Variants in DCLK1 observed in about 807,000 individuals in gnomAD.
The protein encoded by DCLK1 is doublecortin like kinase 1.
Under a neutral mutation model 86.2 loss-of-function variants are expected in DCLK1, and 16 were observed. That is an observed-to-expected ratio of 0.19 (90% confidence interval 0.13 to 0.28). The LOEUF (loss-of-function observed/expected upper bound fraction) is 0.28, where lower values mean the gene tolerates loss of function less well. DCLK1 is among the 10% of genes least tolerant of loss of function. The pLI, the probability that DCLK1 is intolerant of heterozygous loss-of-function variation, is 1.00. For synonymous variants in DCLK1, 369 were observed against 370.5 expected (o/e 1.00, Z 0.05); for missense variants, 590 against 940.2 (o/e 0.63, Z 4.87).
intron 3 of DCLK1, among the ~76,000 whole-genome samples, chr13:36,024,759 T>A (rs1289961024): frequency 6.6e-6 from 1 of 151,934 alleles, no homozygotes; most frequent in South Asian, 2.1e-4. Context: ...TATGGAAATA[T>A]AAGGAACTCA....
In DCLK1 at chr13:35,947,472, C is replaced by T; in HGVS notation, c.724-15G>A. On this transcript the variant is annotated splice_polypyrimidine_tract_variant and intron_variant, in intron 3 of 16. Transcript: ENST00000360631. The stretch of plus-strand genomic sequence containing the variant: ...AGGCACATCACCTACAAGAGAAAAG[C>T]ATGGCACTCAGCAAGGGTGGTAGAA... 6.2e-7 allele frequency: 1 copy of T among 1,607,344 alleles called. No individual in the cohort carries two copies. Among genetic ancestry groups the T allele is most frequent in the Non-Finnish European group, 8.5e-7 (1 of 1,174,316 alleles).
chr13:35,974,629 T>C (rs1007984400), intron 3 of DCLK1, among the ~76,000 whole-genome samples: 4 of 152,186 alleles, frequency 2.6e-5, no homozygotes, highest in East Asian at 1.9e-4. Flanking sequence ...CTGCTGGCCA[T>C]GTAAAGTGTA....
At chr13:35,955,942 G>C (rs941027189) in intron 3 of DCLK1, among the ~76,000 whole-genome samples, 5 of 152,164 alleles carry the variant, frequency 3.3e-5, no homozygotes, top group African/African-American at 1.2e-4. Flanking sequence ...ATCTGGGAAA[G>C]AGAGGTATGA....
intron 6 of DCLK1, among the ~76,000 whole-genome samples, chr13:35,845,605 C>A (rs1476077559): frequency 6.6e-6 from 1 of 152,154 alleles, no homozygotes; most frequent in Non-Finnish European, 1.5e-5. Flanking sequence ...ATATGTCTGA[C>A]AAATTCCTCC....
At chr13:36,067,571 AAAAAAT>A (rs921684065) in intron 3 of DCLK1, among the ~76,000 whole-genome samples, 40 of 152,050 alleles carry the variant, frequency 2.6e-4, no homozygotes, top group African/African-American at 6.7e-4. Context: ...TAATAAAATT[AAAAAAT>A]AAAAATAAAA....
intron 7 of DCLK1, among the ~76,000 whole-genome samples, chr13:35,838,065 C>CAAA (rs748395648): frequency 2.0e-5 from 2 of 100,388 alleles, no homozygotes; most frequent in Non-Finnish European, 4.0e-5. Context: ...GACTCCATCT[C>CAAA]AAAAAAAAAA....
chr13:36,061,298 C>T (rs1883539403), intron 3 of DCLK1, among the ~76,000 whole-genome samples: 1 of 151,998 alleles, frequency 6.6e-6, no homozygotes, highest in Non-Finnish European at 1.5e-5. Flanking sequence ...TGAAGTAAGC[C>T]CCAGCACATT....
intron 3 of DCLK1, among the ~76,000 whole-genome samples, chr13:35,990,659 A>G (rs1410804200): frequency 6.6e-6 from 1 of 152,156 alleles, no homozygotes; most frequent in Non-Finnish European, 1.5e-5. Flanking sequence ...GATCCCTCAC[A>G]GCACCTATGT....
chr13:36,021,697 C>T (rs75137220), intron 3 of DCLK1, among the ~76,000 whole-genome samples: 1,929 of 151,988 alleles, frequency 0.013, 35 homozygotes, highest in African/African-American at 0.044. Flanking sequence ...CAAGAAGATA[C>T]GGTAATTAAG....
intron 3 of DCLK1, among the ~76,000 whole-genome samples, chr13:36,017,818 C>T (rs754698215): frequency 6.6e-6 from 1 of 152,188 alleles, no homozygotes; most frequent in Non-Finnish European, 1.5e-5. Context: ...TCTCATCACA[C>T]ACTTACACAC....
At chr13:35,962,447 T>C (rs1297928522) in intron 3 of DCLK1, among the ~76,000 whole-genome samples, 1 of 152,144 alleles carries the variant, frequency 6.6e-6, no homozygotes, top group African/African-American at 2.4e-5. Flanking sequence ...GGGAGAGGCC[T>C]GGGAATGATT....
At chr13:36,039,831 A>G (rs1178647715) in intron 3 of DCLK1, among the ~76,000 whole-genome samples, 2 of 152,190 alleles carry the variant, frequency 1.3e-5, no homozygotes, top group Non-Finnish European at 1.5e-5. Context: ...CGCAGTGTCT[A>G]ATAAAGTATA....
chr13:35,945,109 A>T (rs1877296899), intron 4 of DCLK1, among the ~76,000 whole-genome samples: 1 of 152,120 alleles, frequency 6.6e-6, no homozygotes, highest in African/African-American at 2.4e-5. Flanking sequence ...CATGTTGGTC[A>T]GGCTGGTCTC....
chr13:35,946,011 ACTCT>A (rs1192331550), intron 4 of DCLK1, among the ~76,000 whole-genome samples: 1 of 152,004 alleles, frequency 6.6e-6, no homozygotes, highest in African/African-American at 2.4e-5. Context: ...CTCCCTACAC[ACTCT>A]AAGTCATTTT....
At chr13:35,957,091 A>T (rs1878028935) in intron 3 of DCLK1, among the ~76,000 whole-genome samples, 1 of 152,168 alleles carries the variant, frequency 6.6e-6, no homozygotes, top group South Asian at 2.1e-4. Context: ...AGATTCTCCT[A>T]CTAAGTGTTT....
intron 3 of DCLK1, among the ~76,000 whole-genome samples, chr13:36,037,186 A>T (rs1304727273): frequency 6.6e-6 from 1 of 150,604 alleles, no homozygotes; most frequent in Non-Finnish European, 1.5e-5. Context: ...TGGAAGCTTT[A>T]AAAAAAAATG....
chr13:36,076,892 T>A (rs1165317747), intron 3 of DCLK1, among the ~76,000 whole-genome samples: 2 of 152,248 alleles, frequency 1.3e-5, no homozygotes, highest in Non-Finnish European at 2.9e-5. Context: ...GATTATAGTT[T>A]CTTCTTTCAC....
chr13:36,020,322 G>C (rs934724849), intron 3 of DCLK1, among the ~76,000 whole-genome samples: 3 of 152,048 alleles, frequency 2.0e-5, no homozygotes, highest in African/African-American at 7.2e-5. Context: ...AGGTCATTGA[G>C]TTAAAAAAAT....
chr13:35,986,940 A>G (rs1441623947), intron 3 of DCLK1, among the ~76,000 whole-genome samples: 1 of 152,252 alleles, frequency 6.6e-6, no homozygotes, highest in Admixed American at 6.5e-5. Flanking sequence ...CCTCACTGCA[A>G]GAAAGCCTGG....
Sources: allele counts gnomAD v4.1 joint callset (sites outside exome capture counted in the v4.1 genomes callset), GRCh38; gene constraint gnomAD v4.1.1; transcripts MANE v1.5; gene names NCBI Gene and HGNC (gene_info 2026-07-23, HGNC 2026-07-21).